SYNE1: variants seen among roughly 807,000 people sequenced by gnomAD.
SYNE1 encodes spectrin repeat containing nuclear envelope protein 1.
A neutral mutation model predicts 1,111.0 loss-of-function variants in SYNE1; 616 were observed. The ratio of observed to expected loss-of-function variants is 0.55; its 90% CI spans 0.52 to 0.59. The LOEUF is 0.59. Ranked by LOEUF, SYNE1 falls within the 20% of genes least tolerant of loss-of-function variation. The pLI is 0.00. For missense variants in SYNE1, 10,006 were observed against 10,417.0 expected (o/e 0.96, Z 1.72); for synonymous variants, 3,855 against 3,825.8 (o/e 1.01, Z -0.28).
intron 86 of SYNE1, 51 bp from the exon 87 acceptor site, chr6:152,317,037 G>T: frequency 6.2e-7 from 1 of 1,606,620 alleles, no homozygotes. Context: ...TCAGTTTCTT[G>T]AGCTATAAAT....
intron 95 of SYNE1, among the ~76,000 whole-genome samples, chr6:152,287,960 AT>A (rs1327304976): frequency 6.6e-6 from 1 of 152,220 alleles, no homozygotes; most frequent in Non-Finnish European, 1.5e-5. Flanking sequence ...TATGCAAAGT[AT>A]TTTTTATACA....
At chr6:152,454,983 A>T (rs1304364672) in intron 24 of SYNE1, among the ~76,000 whole-genome samples, 1 of 152,186 alleles carries the variant, frequency 6.6e-6, no homozygotes, top group Non-Finnish European at 1.5e-5. Flanking sequence ...CATGAAGATG[A>T]TAAACATGAA....
rs190429977 is a variant in SYNE1, at chr6:152,543,652, T to C, written c.68-3631A>G. 2.2e-4 allele frequency among the ~76,000 whole-genome samples: 33 copies of C among 152,366 alleles called. No homozygotes were observed. The East Asian group carries it at 6.2e-3, about 28-fold the overall frequency. Reference sequence around the variant, plus strand: ...CAGTCATGCACTGCATAATGATTTTTTGGCCAATGACGAACCTCATAGATG... The same window carrying C: ...CAGTCATGCACTGCATAATGATTTTCTGGCCAATGACGAACCTCATAGATG... On this transcript the variant is annotated intron_variant, in intron 3 of 145. Coordinates refer to ENST00000367255, the MANE Select transcript of SYNE1 (RefSeq NM_182961.4).
intron 11 of SYNE1, among the ~76,000 whole-genome samples, chr6:152,490,145 T>A (rs1257373713): frequency 6.6e-6 from 1 of 152,192 alleles, no homozygotes; most frequent in South Asian, 2.1e-4. Context: ...GTATAACAGC[T>A]ATTTAAATAG....
chr6:152,396,678 G>A, intron 50 of SYNE1, 97 bp downstream of exon 50: 1 of 1,159,222 alleles, frequency 8.6e-7, no homozygotes. Context: ...AACTCACAGT[G>A]TCAAACGTTA....
intron 97 of SYNE1, among the ~76,000 whole-genome samples, chr6:152,279,275 A>G (rs1463622527): frequency 6.6e-6 from 1 of 150,662 alleles, no homozygotes; most frequent in Non-Finnish European, 1.5e-5. Flanking sequence ...TAAAAAAAAA[A>G]ACAAAAAAAA....
chr6:152,404,347 A>G (rs1338650767), intron 45 of SYNE1, 33 bp from the exon 46 acceptor site: 2 of 1,463,218 alleles, frequency 1.4e-6, no homozygotes, highest in Non-Finnish European at 1.9e-6. Context: ...ACTAATCAAA[A>G]ACACTGACAT....
chr6:152,331,029 G>T lies in SYNE1; in HGVS notation c.13656C>A (p.His4552Gln), dbSNP rs1267929537. ...VYDSVLQKCS[H>Q]RLQELEKNLV... is the part of the protein sequence containing the mutation. The stretch of plus-strand genomic sequence containing the variant: ...AATTCTTCTCTAGTTCTTGTAACCG[G>T]TGACTGCACTTTTGTAAAACACTGT... Residue 4552 changes from histidine (H) to glutamine (Q), a missense_variant, in exon 78 of 146, where the codon CAC becomes CAA. By Grantham distance (24) the His-to-Gln change is conservative. Transcript: ENST00000367255. 6.8e-6 allele frequency: 11 copies of T among 1,613,948 alleles called. No individual in the cohort carries two copies. The African/African-American group carries it at 1.5e-4, about 22-fold the overall frequency.
At position 152,376,401 on chromosome 6, in the gene SYNE1, T is replaced by G; in HGVS notation, c.9304A>C (p.Thr3102Pro). Residue 3102 changes from threonine to proline, a missense_variant, in exon 58 of 146, where the codon ACT (threonine) becomes CCT (proline). By Grantham distance (38) the Thr-to-Pro change is conservative. Around this residue, in one of 7 missense-constraint regions of SYNE1, gnomAD observed 4,955 missense variants for 5,017.2 expected, o/e 0.99. Transcript: ENST00000367255. ...DIPQNISEVS[T>P]SLQKIQEFLS... ...CTTACCTGTATTTTCTGAAGACTAG[T>G]TGAAACTTCACTTATATTTTGAGGT... is the stretch of plus-strand genomic sequence containing the variant. The G allele has an allele frequency of 6.2e-7, 1 of 1,614,210 alleles. No homozygotes were observed. The highest frequency in any genetic ancestry group is 8.5e-7 in the Non-Finnish European group (1 of 1,180,026).
chr6:152,279,147 CTTTTTTTTTTTTTTT>C (rs59520598), intron 97 of SYNE1, among the ~76,000 whole-genome samples: 2 of 112,686 alleles, frequency 1.8e-5, no homozygotes, highest in Admixed American at 9.6e-5. Flanking sequence ...CTTTTCTTTT[CTTTTTTTTTTTTTTT>C]TTTTGAGACA....
Position 152,347,076 on chromosome 6 carries a change from A to T in SYNE1, c.12061T>A (p.Cys4021Ser). 1 of 1,614,210 alleles carries T rather than the reference A, an allele frequency of 6.2e-7. No individual in the cohort carries two copies. The highest frequency in any genetic ancestry group is 8.5e-7 in the Non-Finnish European group (1 of 1,180,038). ...GCACTCACCCTCTGAGCTGTGCTGCAGATCGCTGAGTAGCTGTCCTTTGTG... is the reference window on the plus strand; with the variant it reads ...GCACTCACCCTCTGAGCTGTGCTGCTGATCGCTGAGTAGCTGTCCTTTGTG... ...QGTKDSYSAI[C>S]STAQRMYQSL... The change falls in exon 73 of 146, where the codon TGC (cysteine) becomes AGC (serine). Residue 4021 changes from cysteine to serine, a missense_variant. Cys to Ser is a moderately radical substitution (Grantham distance 112). Coordinates refer to ENST00000367255, the MANE Select transcript of SYNE1 (RefSeq NM_182961.4).
At chr6:152,534,906 G>A (rs984852328) in intron 4 of SYNE1, among the ~76,000 whole-genome samples, 8 of 152,198 alleles carry the variant, frequency 5.3e-5, no homozygotes, top group South Asian at 2.1e-4. Flanking sequence ...AATCCAAAAT[G>A]TTCCTTTTAA....
intron 2 of SYNE1, among the ~76,000 whole-genome samples, chr6:152,631,779 G>A (rs915521700): frequency 1.3e-5 from 2 of 152,114 alleles, no homozygotes; most frequent in African/African-American, 4.8e-5. Flanking sequence ...TATATCTGAG[G>A]AGTCTCAGAT....
At position 152,330,232 on chromosome 6, in the gene SYNE1, T is replaced by C. The variant is rs201447669; in HGVS notation, c.14453A>G (p.Tyr4818Cys). The change falls in exon 78 of 146, where the codon TAT becomes TGT. Residue 4818 changes from tyrosine (Y) to cysteine (C), a missense_variant. By Grantham distance (194) the Tyr-to-Cys change is radical (BLOSUM62 -2). This residue lies in a region of SYNE1 where 4,955 missense variants were observed against 5,017.2 expected (regional missense o/e 0.99). Transcript: ENST00000367255. ...TLPAEEKLKMYHSLAGSLQDS... is the reference protein window; with the variant it reads ...TLPAEEKLKMCHSLAGSLQDS... ...CTGGAGACTTCCTGCCAGGGAGTGA[T>C]ACATTTTGAGCTTCTCCTCTGCAGG... 5 of 1,614,130 alleles carry C rather than the reference T, an allele frequency of 3.1e-6. No individual in the cohort carries two copies. In the South Asian group the frequency reaches 3.3e-5, roughly 11 times the overall value.
At chr6:152,442,330 G>A (rs890760663) in intron 30 of SYNE1, 85 bp from the exon 31 acceptor site, 1 of 1,528,076 alleles carries the variant, frequency 6.5e-7, no homozygotes, top group Non-Finnish European at 9.0e-7. Context: ...CTTAACAGAA[G>A]TACAGAAAGG....
chr6:152,133,174 C>G, intron 143 of SYNE1, 102 bp downstream of exon 143: 1 of 1,129,972 alleles, frequency 8.8e-7, no homozygotes, highest in Non-Finnish European at 1.3e-6. Context: ...ACACTCCATT[C>G]TGACAAGTAC....
intron 76 of SYNE1, chr6:152,336,258 T>A (rs2096386894): frequency 5.9e-6 from 1 of 169,976 alleles, no homozygotes. Context: ...ATGTAGAGTA[T>A]GAATGTCTTC....
intron 44 of SYNE1, 53 bp from the exon 45 acceptor site, chr6:152,407,249 A>G (rs1261335099): frequency 4.5e-6 from 7 of 1,558,166 alleles, no homozygotes; most frequent in African/African-American, 1.4e-5. Flanking sequence ...TAAGATGATC[A>G]TCCCCCAACC....
chr6:152,268,665 T>C (rs939976417), intron 99 of SYNE1, among the ~76,000 whole-genome samples: 2 of 152,192 alleles, frequency 1.3e-5, no homozygotes, highest in Non-Finnish European at 2.9e-5. Flanking sequence ...AAGGTACCAA[T>C]GAGAAATCAT....
Sources: allele counts gnomAD v4.1 joint callset (sites outside exome capture counted in the v4.1 genomes callset), GRCh38; gene constraint gnomAD v4.1.1; regional missense constraint gnomAD v4.1.1; transcripts MANE v1.5; gene names NCBI Gene and HGNC (gene_info 2026-07-23, HGNC 2026-07-21).